Variants in ASIC2 observed in about 807,000 individuals in gnomAD.
The protein encoded by ASIC2 is acid-sensing ion channel 2.
ASIC2 carries 25 observed loss-of-function variants against 57.3 expected under a neutral mutation model. The ratio of observed to expected loss-of-function variants is 0.44; its 90% confidence interval spans 0.32 to 0.61. ASIC2 has a LOEUF of 0.61. Among genes scored for constraint, ASIC2 ranks in the 20% least tolerant of loss-of-function variants. The pLI is 0.06. For missense variants in ASIC2, 641 were observed against 738.1 expected, an observed-to-expected ratio of 0.87 and a Z score of 1.52; for synonymous variants, 319 against 307.5, an observed-to-expected ratio of 1.04 and a Z score of -0.39.
chr17:33,307,932 G>C (rs1906251763), intron 1 of ASIC2, among the ~76,000 whole-genome samples: 1 of 152,200 alleles, frequency 6.6e-6, no homozygotes. Flanking sequence ...TCTCTTGCCA[G>C]TGCACTTATC....
intron 1 of ASIC2, among the ~76,000 whole-genome samples, chr17:33,468,226 T>C (rs1341788672): frequency 6.6e-6 from 1 of 152,230 alleles, no homozygotes; most frequent in African/African-American, 2.4e-5. Context: ...CAGAATATTA[T>C]TGGCCAAATG....
chr17:33,825,048 A>G (rs1383802040), intron 1 of ASIC2, among the ~76,000 whole-genome samples: 3 of 152,204 alleles, frequency 2.0e-5, no homozygotes, highest in Non-Finnish European at 4.4e-5. Context: ...CTATCTCTGT[A>G]TGTACACAAT....
intron 1 of ASIC2, among the ~76,000 whole-genome samples, chr17:33,235,996 C>A (rs549111142): frequency 2.2e-4 from 34 of 152,186 alleles, no homozygotes; most frequent in African/African-American, 8.2e-4. Flanking sequence ...ACCATCACAC[C>A]CAGCTAATCT....
chr17:33,603,484 T>A (rs1249682032), intron 1 of ASIC2, among the ~76,000 whole-genome samples: 3 of 152,176 alleles, frequency 2.0e-5, no homozygotes, highest in African/African-American at 7.2e-5. Context: ...TTCCTCTGCC[T>A]GGGACTTGGC....
chr17:33,545,371 C>T (rs190310881), intron 1 of ASIC2, among the ~76,000 whole-genome samples: 1 of 152,200 alleles, frequency 6.6e-6, no homozygotes, highest in Non-Finnish European at 1.5e-5. Context: ...GATTGAAAGA[C>T]GTCTTCATTT....
At chr17:33,356,126 G>T (rs909617764) in intron 1 of ASIC2, among the ~76,000 whole-genome samples, 2 of 152,192 alleles carry the variant, frequency 1.3e-5, no homozygotes, top group African/African-American at 4.8e-5. Flanking sequence ...ATCATTCACT[G>T]ATTCACCAAG....
At chr17:33,900,007 A>G (rs1236951423) in intron 1 of ASIC2, among the ~76,000 whole-genome samples, 1 of 152,142 alleles carries the variant, frequency 6.6e-6, no homozygotes, top group Non-Finnish European at 1.5e-5. Context: ...TACTTCTGGG[A>G]CCCTAATTAC....
At chr17:33,888,573 C>A (rs74985631) in intron 1 of ASIC2, among the ~76,000 whole-genome samples, 2 of 152,018 alleles carry the variant, frequency 1.3e-5, no homozygotes, top group Non-Finnish European at 2.9e-5. Context: ...AAGGGGAGAG[C>A]GCTGTTGAAA....
intron 1 of ASIC2, among the ~76,000 whole-genome samples, chr17:34,031,625 A>T (rs1477997071): frequency 6.6e-6 from 1 of 152,186 alleles, no homozygotes; most frequent in Non-Finnish European, 1.5e-5. Context: ...AAAAAATTAG[A>T]CAAATGGATA....
chr17:33,509,564 C>A (rs1295718451), intron 1 of ASIC2, among the ~76,000 whole-genome samples: 4 of 152,174 alleles, frequency 2.6e-5, no homozygotes, highest in Non-Finnish European at 5.9e-5. Flanking sequence ...GCAGACAAAT[C>A]ATAACTGGCT....
chr17:33,231,928 T>C (rs1908107374), intron 1 of ASIC2, among the ~76,000 whole-genome samples: 1 of 152,220 alleles, frequency 6.6e-6, no homozygotes, highest in Non-Finnish European at 1.5e-5. Flanking sequence ...CTTTTCTTTT[T>C]ATCCAACAAA....
At chr17:34,141,035 T>C (rs9911032) in intron 1 of ASIC2, among the ~76,000 whole-genome samples, 112,539 of 152,078 alleles carry the variant, frequency 0.74, 41,724 homozygotes, top group South Asian at 0.85. Flanking sequence ...AGATAGGCTA[T>C]GATGAGAATT....
chr17:33,982,489 A>G lies in ASIC2; in HGVS notation c.555+173489T>C, dbSNP rs373738483. Reference sequence around the variant, plus strand: ...GGAGACAGATTAACATCTGAGTCAGATCTGAGTCCAGCGTTGCTATGGGTT... The same window carrying G: ...GGAGACAGATTAACATCTGAGTCAGGTCTGAGTCCAGCGTTGCTATGGGTT... On this transcript the variant is annotated intron_variant, in intron 1 of 9. Coordinates refer to the ASIC2 transcript ENST00000359872. 1.3e-4 allele frequency among the ~76,000 whole-genome samples: 20 copies of G among 152,278 alleles called. 1 individual carries two copies. The highest frequency in any genetic ancestry group is 7.2e-4 in the Admixed American group (11 of 15,300).
At chr17:33,106,983 TC>T (rs1485504812) in intron 2 of ASIC2, among the ~76,000 whole-genome samples, 1 of 152,228 alleles carries the variant, frequency 6.6e-6, no homozygotes, top group African/African-American at 2.4e-5. Flanking sequence ...TGAGGCTGTA[TC>T]CCTGCCCCTC....
intron 1 of ASIC2, among the ~76,000 whole-genome samples, chr17:33,764,296 G>A (rs1020040525): frequency 2.7e-5 from 4 of 146,212 alleles, no homozygotes; most frequent in African/African-American, 1.0e-4. Context: ...CAGCCTGGGC[G>A]AGAAAACAAG....
chr17:34,040,471 G>A (rs540020061), intron 1 of ASIC2, among the ~76,000 whole-genome samples: 440 of 149,900 alleles, frequency 2.9e-3, no homozygotes, highest in Non-Finnish European at 4.9e-3. Flanking sequence ...AGGTGGGGGG[G>A]GTCCCCGCTG....
At chr17:33,229,163 G>A (rs1008778066) in intron 1 of ASIC2, among the ~76,000 whole-genome samples, 1 of 152,134 alleles carries the variant, frequency 6.6e-6, no homozygotes, top group African/African-American at 2.4e-5. Context: ...ATGGAAAGAG[G>A]TGTACCAAGC....
At chr17:33,923,346 C>T (rs1029159274) in intron 1 of ASIC2, among the ~76,000 whole-genome samples, 1 of 152,190 alleles carries the variant, frequency 6.6e-6, no homozygotes, top group Non-Finnish European at 1.5e-5. Context: ...TCTACCCAAC[C>T]ACATTTATAT....
intron 1 of ASIC2, among the ~76,000 whole-genome samples, chr17:33,643,305 G>A (rs1259251441): frequency 2.0e-5 from 3 of 152,182 alleles, no homozygotes; most frequent in African/African-American, 7.2e-5. Flanking sequence ...TATGGCATAT[G>A]TGTAACTTAA....
Sources: allele counts gnomAD v4.1 joint callset (sites outside exome capture counted in the v4.1 genomes callset), GRCh38; gene constraint gnomAD v4.1.1; transcripts MANE v1.5; gene names NCBI Gene and HGNC (gene_info 2026-07-23, HGNC 2026-07-21).